The following CEP83 variants were observed in gnomAD, a reference collection of about 807,000 sequenced individuals.
CEP83 encodes the protein centrosomal protein 83.
A neutral mutation model predicts 101.9 loss-of-function variants in CEP83; 70 were observed. The observed-to-expected ratio is 0.69, with a 90% confidence interval of 0.57 to 0.84. The LOEUF is 0.84. Ranked by LOEUF, CEP83 falls within the 40% of genes least tolerant of loss-of-function variation. The pLI is 0.00. For missense variants in CEP83, 715 were observed against 787.2 expected, an observed-to-expected ratio of 0.91 and a Z score of 1.10; for synonymous variants, 264 against 267.9, an observed-to-expected ratio of 0.99 and a Z score of 0.14.
chr12:94,393,516 A>G (rs1456932986), intron 6 of CEP83, among the ~76,000 whole-genome samples: 1 of 152,246 alleles, frequency 6.6e-6, no homozygotes, highest in African/African-American at 2.4e-5. Flanking sequence ...CACAGCCAAT[A>G]TCATACTGAA....
the CEP83 span, among the ~76,000 whole-genome samples, chr12:94,266,183 G>A: frequency 6.6e-6 from 1 of 152,178 alleles, no homozygotes; most frequent in African/African-American, 2.4e-5. Flanking sequence ...TCCCTAATTG[G>A]AGAAGGCACC....
the CEP83 span, among the ~76,000 whole-genome samples, chr12:94,290,922 CTGCCTCCTTCT>C: frequency 6.6e-6 from 1 of 152,164 alleles, no homozygotes; most frequent in Non-Finnish European, 1.5e-5. Flanking sequence ...GATCTCTGAC[CTGCCTCCTTCT>C]TGCCACCCGT....
intron 1 of CEP83, among the ~76,000 whole-genome samples, chr12:94,439,556 C>CA (rs989596200): frequency 2.1e-3 from 280 of 131,110 alleles, no homozygotes; most frequent in African/African-American, 3.5e-3. Context: ...AAAATGCCAA[C>CA]AAAAAAAAAA....
rs548922641 is a variant in CEP83, at chr12:94,341,550, A to T, written c.1344-5886T>A. ...AAAAATACCACAATTGTTGAACATT[A>T]AAAAAAAAAAGCCATGCAAATCGTG... On this transcript the variant is annotated intron_variant, in intron 11 of 16. Coordinates refer to ENST00000397809, the MANE Select transcript of CEP83 (RefSeq NM_016122.3). Among the ~76,000 whole-genome samples the T allele has an allele frequency of 1.7e-4, 12 of 70,382 alleles. No homozygotes were observed. In the South Asian group the frequency reaches 5.3e-3, roughly 31 times the overall value. 46.2% of individuals were successfully genotyped at this position (70,382 alleles called of 152,430 possible).
intron 2 of CEP83, among the ~76,000 whole-genome samples, chr12:94,433,055 G>C (rs1220711755): frequency 6.6e-6 from 1 of 152,162 alleles, no homozygotes; most frequent in Non-Finnish European, 1.5e-5. Context: ...AAATAATGGA[G>C]ATTAAGGAGA....
chr12:94,440,686 A>C (rs973321421), intron 1 of CEP83, among the ~76,000 whole-genome samples: 2 of 152,092 alleles, frequency 1.3e-5, no homozygotes, highest in Non-Finnish European at 2.9e-5. Flanking sequence ...CTAGAAAAAA[A>C]ATCCTAAAAT....
At chr12:94,383,600 T>C (rs929785580) in intron 6 of CEP83, among the ~76,000 whole-genome samples, 3 of 152,110 alleles carry the variant, frequency 2.0e-5, no homozygotes, top group African/African-American at 4.8e-5. Flanking sequence ...ACACTGTAAA[T>C]ATCTGTATTT....
At chr12:94,356,815 T>C (rs1055072394) in intron 11 of CEP83, among the ~76,000 whole-genome samples, 3 of 152,196 alleles carry the variant, frequency 2.0e-5, no homozygotes, top group African/African-American at 7.2e-5. Flanking sequence ...GGTGGGCAGA[T>C]GAAGCTTCCA....
the CEP83 span, among the ~76,000 whole-genome samples, chr12:94,297,951 T>C: frequency 7.7e-4 from 118 of 152,322 alleles, 1 homozygote; most frequent in East Asian, 0.022. Context: ...TTTAGTGGAA[T>C]TAACAGAAGT....
chr12:94,408,114 C>A (rs912332594), intron 4 of CEP83: 1 of 152,224 alleles, frequency 6.6e-6, no homozygotes, highest in African/African-American at 2.4e-5. Flanking sequence ...CTGCACCCAG[C>A]AGTGTCTTAG....
chr12:94,282,120 A>G, the CEP83 span: 5 of 520,686 alleles, frequency 9.6e-6, no homozygotes, highest in Admixed American at 1.8e-4. Context: ...AGAGCCCTAA[A>G]CAAACAAACA....
At chr12:94,298,880 G>T in the CEP83 span, 3 of 1,289,420 alleles carry the variant, frequency 2.3e-6, no homozygotes, top group Middle Eastern at 1.9e-4. Flanking sequence ...GTTATAGAAG[G>T]ATTCATTTAT....
chr12:94,339,117 A>G (rs555303725), intron 11 of CEP83, among the ~76,000 whole-genome samples: 1 of 152,190 alleles, frequency 6.6e-6, no homozygotes, highest in African/African-American at 2.4e-5. Flanking sequence ...GGCATCCACC[A>G]CCACGCCCGG....
intron 14 of CEP83, among the ~76,000 whole-genome samples, chr12:94,331,459 C>G (rs1315513852): frequency 6.7e-6 from 1 of 148,744 alleles, no homozygotes; most frequent in Non-Finnish European, 1.5e-5. Context: ...CTCTGCCTCC[C>G]GGGTTCATGC....
At chr12:94,373,876 AC>A (rs1211727290) in intron 8 of CEP83, among the ~76,000 whole-genome samples, 2 of 152,236 alleles carry the variant, frequency 1.3e-5, no homozygotes, top group Non-Finnish European at 2.9e-5. Context: ...TGCAAAGAAA[AC>A]TGTGGCAGTC....
At chr12:94,290,546 C>T in the CEP83 span, among the ~76,000 whole-genome samples, 1 of 152,258 alleles carries the variant, frequency 6.6e-6, no homozygotes, top group Non-Finnish European at 1.5e-5. Context: ...ATATCATGCA[C>T]ACCAGCAGTT....
chr12:94,316,693 G>A (rs1970748808), intron 14 of CEP83, among the ~76,000 whole-genome samples: 1 of 151,950 alleles, frequency 6.6e-6, no homozygotes, highest in African/African-American at 2.4e-5. Flanking sequence ...TTCCTTTTTT[G>A]TGTTAGTTTG....
At chr12:94,299,044 G>C in the CEP83 span, among the ~76,000 whole-genome samples, 1 of 152,168 alleles carries the variant, frequency 6.6e-6, no homozygotes, top group African/African-American at 2.4e-5. Flanking sequence ...ACTTTGTCTA[G>C]AATGTTAAAA....
intron 15 of CEP83, 145 bp downstream of exon 15, chr12:94,312,769 G>A: frequency 7.9e-7 from 1 of 1,258,944 alleles, no homozygotes; most frequent in Non-Finnish European, 1.0e-6. Context: ...GGTAAAAAAA[G>A]GATAGTACAT....
Sources: allele counts gnomAD v4.1 joint callset (sites outside exome capture counted in the v4.1 genomes callset), GRCh38; gene constraint gnomAD v4.1.1; transcripts MANE v1.5; gene names NCBI Gene and HGNC (gene_info 2026-07-23, HGNC 2026-07-21).